Variants in DPF3 observed in about 807,000 individuals in gnomAD.
DPF3 encodes the protein zinc finger protein DPF3.
In DPF3, 18 loss-of-function variants were observed where a neutral mutation model predicts 56.8. The ratio of observed to expected loss-of-function variants is 0.32; its 90% CI spans 0.22 to 0.47. The LOEUF is 0.47. Among genes scored for constraint, DPF3 ranks in the 20% least tolerant of loss-of-function variants. DPF3 has a pLI of 1.00. For missense variants in DPF3, 403 were observed against 488.8 expected (o/e 0.82, Z 1.65); for synonymous variants, 188 against 180.2 (o/e 1.04, Z -0.35).
intron 1 of DPF3, among the ~76,000 whole-genome samples, chr14:72,845,924 G>C (rs1884732292): frequency 6.6e-6 from 1 of 152,044 alleles, no homozygotes. Flanking sequence ...GCAGCACCCG[G>C]CAGGGCGATT....
chr14:72,644,980 G>T (rs954089701), intron 8 of DPF3, among the ~76,000 whole-genome samples: 1 of 152,184 alleles, frequency 6.6e-6, no homozygotes, highest in Non-Finnish European at 1.5e-5. Context: ...AAGACCTTAT[G>T]ATCCTTTTCA....
chr14:72,674,183 T>C, intron 8 of DPF3, 57 bp downstream of exon 8: 1 of 1,566,512 alleles, frequency 6.4e-7, no homozygotes, highest in Non-Finnish European at 8.6e-7. Flanking sequence ...GGAAGAGGAA[T>C]GCAAGAGGAG....
intron 8 of DPF3, among the ~76,000 whole-genome samples, chr14:72,665,264 A>T (rs1250686018): frequency 6.6e-6 from 1 of 152,220 alleles, no homozygotes; most frequent in African/African-American, 2.4e-5. Flanking sequence ...AATGGCCAAT[A>T]AATTCATTGC....
chr14:72,627,278 T>C (rs1175609272), intron 9 of DPF3, among the ~76,000 whole-genome samples: 1 of 152,124 alleles, frequency 6.6e-6, no homozygotes, highest in African/African-American at 2.4e-5. Context: ...ACTAGCGTGG[T>C]TTTACTTTGT....
At chr14:72,672,014 G>A (rs1886697032) in intron 8 of DPF3, among the ~76,000 whole-genome samples, 2 of 149,992 alleles carry the variant, frequency 1.3e-5, no homozygotes, top group South Asian at 4.2e-4. Context: ...CCACATACAT[G>A]TGCACGTGTG....
Position 72,714,383 on chromosome 14 carries a change from C to T in DPF3, c.604+40G>A, listed in dbSNP as rs758919312. 3.9e-5 allele frequency: 63 copies of T among 1,608,642 alleles called. No individual in the cohort carries two copies. In the Middle Eastern group the frequency reaches 9.9e-4, roughly 25 times the overall value. ...AGGGAAGAGGGGCCCTGGGGGCAGGCGCACAGGGAGGAAGGAAGGTGGGAC... is the reference window on the plus strand; with the variant it reads ...AGGGAAGAGGGGCCCTGGGGGCAGGTGCACAGGGAGGAAGGAAGGTGGGAC... On this transcript the variant is annotated intron_variant, in intron 6 of 10. Transcript: ENST00000556509.
At chr14:72,710,558 T>C (rs1194234686) in intron 6 of DPF3, among the ~76,000 whole-genome samples, 1 of 152,186 alleles carries the variant, frequency 6.6e-6, no homozygotes, top group Non-Finnish European at 1.5e-5. Context: ...AAGAATCCCC[T>C]GAAGAGCGCT....
chr14:72,732,908 CTCTT>C lies in DPF3; in HGVS notation c.302-978_302-975del, dbSNP rs544188985. Among the ~76,000 whole-genome samples, 192 of 147,588 alleles carry C rather than the reference CTCTT, an allele frequency of 1.3e-3. 1 individual carries two copies. The highest frequency in any genetic ancestry group is 2.2e-3 in the Non-Finnish European group (146 of 67,000). On this transcript the variant is annotated intron_variant, in intron 3 of 10. Coordinates refer to ENST00000556509, the MANE Select transcript of DPF3 (RefSeq NM_001280542.3). ...TTCTTTCTCTCTCCCTTCTTTCTTT[CTCTT>C]TCTTTCTTTCTCTCTCTCTCTCTTT... is the stretch of plus-strand genomic sequence containing the variant.
chr14:72,790,474 T>C (rs1194887556), intron 1 of DPF3, among the ~76,000 whole-genome samples: 1 of 152,268 alleles, frequency 6.6e-6, no homozygotes, highest in East Asian at 1.9e-4. Flanking sequence ...ACACTTTATT[T>C]TATGCAAACT....
intron 1 of DPF3, among the ~76,000 whole-genome samples, chr14:72,778,925 T>C (rs1205033430): frequency 6.6e-6 from 1 of 152,198 alleles, no homozygotes; most frequent in Non-Finnish European, 1.5e-5. Context: ...AGAGGCCACA[T>C]CTGCAGAGCC....
intron 1 of DPF3, among the ~76,000 whole-genome samples, chr14:72,861,131 A>G (rs761271825): frequency 7.9e-5 from 12 of 151,640 alleles, no homozygotes; most frequent in Admixed American, 3.3e-4. Flanking sequence ...CTGCCTGCTT[A>G]CTATCTATCA....
At position 72,835,831 on chromosome 14, in the gene DPF3, T is replaced by A. The variant is rs79263451; in HGVS notation, c.32+58226A>T. Among the ~76,000 whole-genome samples the A allele has an allele frequency of 6.2e-3, 950 of 152,186 alleles. 8 individuals are homozygous for A. The highest frequency in any genetic ancestry group is 0.022 in the African/African-American group (911 of 41,542). On this transcript the variant is annotated intron_variant, in intron 1 of 10. Transcript: ENST00000556509. Reference sequence around the variant, plus strand: ...AGCGAGGCAGCAACCAGGTCTCACCTGGGCATAGTTACCCCACAAGGACAG... The same window carrying A: ...AGCGAGGCAGCAACCAGGTCTCACCAGGGCATAGTTACCCCACAAGGACAG...
At chr14:72,701,931 C>G (rs1888180843) in intron 6 of DPF3, among the ~76,000 whole-genome samples, 1 of 152,198 alleles carries the variant, frequency 6.6e-6, no homozygotes, top group Non-Finnish European at 1.5e-5. Flanking sequence ...CAGACCCCAC[C>G]ATGCCTGTCA....
chr14:72,641,931 C>T (rs1885576267), intron 8 of DPF3, among the ~76,000 whole-genome samples: 1 of 152,240 alleles, frequency 6.6e-6, no homozygotes, highest in Admixed American at 6.5e-5. Flanking sequence ...TCTCCGATCA[C>T]TCACTCTGGA....
intron 7 of DPF3, among the ~76,000 whole-genome samples, chr14:72,680,496 C>A (rs903989231): frequency 2.6e-5 from 4 of 152,236 alleles, no homozygotes; most frequent in African/African-American, 7.2e-5. Context: ...ATCGTCAGAG[C>A]CCTCGACGGC....
At chr14:72,788,017 G>A (rs1047635274) in intron 1 of DPF3, among the ~76,000 whole-genome samples, 2 of 152,230 alleles carry the variant, frequency 1.3e-5, no homozygotes, top group African/African-American at 2.4e-5. Context: ...AGTACTGTAA[G>A]GTGAAAGAAA....
intron 4 of DPF3, among the ~76,000 whole-genome samples, chr14:72,730,854 A>G (rs1015869969): frequency 5.3e-5 from 8 of 152,300 alleles, no homozygotes; most frequent in Admixed American, 1.3e-4. Context: ...TGAGGATTCC[A>G]GACAAATAAC....
chr14:72,861,765 A>AAG (rs1567261185), intron 1 of DPF3, among the ~76,000 whole-genome samples: 5 of 148,794 alleles, frequency 3.4e-5, no homozygotes, highest in African/African-American at 1.3e-4. Context: ...GAAAGAAAGA[A>AAG]AGAAAGAAAG....
At chr14:72,822,426 A>G (rs1883593263) in intron 1 of DPF3, among the ~76,000 whole-genome samples, 1 of 152,186 alleles carries the variant, frequency 6.6e-6, no homozygotes, top group Non-Finnish European at 1.5e-5. Context: ...GATTGTTAAA[A>G]AATTTTTAAA....
Sources: allele counts gnomAD v4.1 joint callset (sites outside exome capture counted in the v4.1 genomes callset), GRCh38; gene constraint gnomAD v4.1.1; transcripts MANE v1.5; gene names NCBI Gene and HGNC (gene_info 2026-07-23, HGNC 2026-07-21).